LRP5: variants seen among roughly 807,000 people sequenced by gnomAD.
LRP5 encodes the protein low-density lipoprotein receptor-related protein 5.
A neutral mutation model predicts 154.1 loss-of-function variants in LRP5; 62 were observed. That is an observed-to-expected ratio of 0.40 (90% CI 0.33 to 0.50). LRP5 has a LOEUF of 0.50. Among genes scored for constraint, LRP5 ranks in the 20% least tolerant of loss-of-function variants. The probability of loss-of-function intolerance (pLI) is 0.55; values close to 1 mark genes in which losing one functional copy is unlikely to be tolerated. For synonymous variants in LRP5, 966 were observed against 1,011.5 expected (o/e 0.96, Z 0.85); for missense variants, 1,915 against 2,336.7 (o/e 0.82, Z 3.72).
At chr11:68,308,019 A>C (rs1164266913), upstream of LRP5, among the ~76,000 whole-genome samples, 2 of 152,224 alleles carry the variant, frequency 1.3e-5, no homozygotes, top group Non-Finnish European at 2.9e-5. Flanking sequence ...GCCTGTTACC[A>C]ACCAAGCCCT....
At chr11:68,358,755 T>C (rs2098625313) in intron 3 of LRP5, among the ~76,000 whole-genome samples, 1 of 152,244 alleles carries the variant, frequency 6.6e-6, no homozygotes, top group Non-Finnish European at 1.5e-5. Context: ...CCCAGCTCTG[T>C]ACTTAATTAC....
In LRP5 at chr11:68,413,722, C is replaced by T. The variant is rs2098660863; in HGVS notation, c.2537C>T (p.Pro846Leu). The T allele has an allele frequency of 5.6e-6, 9 of 1,613,598 alleles. No homozygotes were observed. The highest frequency in any genetic ancestry group is 1.3e-5 in the African/African-American group (1 of 74,930). ...QERVVIADDL[P>L]HPFGLTQYSD... ...CGGGTCGTGATTGCCGACGATCTCC[C>T]GCACCCGTTCGGTCTGACGCAGTAC... The change falls in exon 12 of 23, where the codon CCG becomes CTG. Residue 846 changes from proline (P) to leucine (L), a missense_variant. Coordinates refer to ENST00000294304, the MANE Select transcript of LRP5 (RefSeq NM_002335.4). This position sits in a 1 kb window ranked among gnomAD's most constrained non-coding sequence, Gnocchi z 5.1.
intron 21 of LRP5, among the ~76,000 whole-genome samples, chr11:68,442,293 C>G (rs934682159): frequency 1.3e-5 from 2 of 152,144 alleles, no homozygotes; most frequent in African/African-American, 2.4e-5. Context: ...TTTGTTTGTT[C>G]TTGAGACAAA....
rs1019409513 is a variant in LRP5 at position 68,312,749 on chromosome 11, T to C, written c.35T>C (p.Leu12Pro). The change falls in exon 1 of 23, where the codon CTG (leucine) becomes CCG (proline). Residue 12 changes from leucine (L) to proline (P), a missense_variant. This residue lies in a region of LRP5 where 48 missense variants were observed against 25.7 expected (regional missense o/e 1.87). Coordinates refer to ENST00000294304, the MANE Select transcript of LRP5 (RefSeq NM_002335.4). ...GCGCCGCCCGGGCCGCCGTGGCCGC[T>C]GCTGCTGCTGCTGCTGCTGCTGCTG... ...EAAPPGPPWP[L>P]LLLLLLLLAL... 5.0e-5 allele frequency: 38 copies of C among 758,630 alleles called. No individual in the cohort carries two copies. The highest frequency in any genetic ancestry group is 7.9e-5 in the African/African-American group (4 of 50,884). The allele number at this position is 758,630 out of a possible 1,614,324, so 47.0% of individuals were successfully genotyped here.
chr11:68,349,086 G>A (rs775848808), intron 2 of LRP5, among the ~76,000 whole-genome samples: 16 of 145,460 alleles, frequency 1.1e-4, no homozygotes, highest in Admixed American at 5.7e-4. Flanking sequence ...AGGCTGGAGT[G>A]CAGTGGCACA....
At position 68,350,824 on chromosome 11, in the gene LRP5, C is replaced by T. The variant is rs1482575117; in HGVS notation, c.488+2581C>T. On this transcript the variant is annotated intron_variant, in intron 2 of 22. Transcript: ENST00000294304. ...AGGGCTGGAGCCTTTCAGAGCCCAA[C>T]AGGTTTGTGTGAGAGCCAGGCGTGT... is the stretch of plus-strand genomic sequence containing the variant. 4.6e-5 allele frequency among the ~76,000 whole-genome samples: 7 copies of T among 152,298 alleles called. No homozygotes were observed. In the East Asian group the frequency reaches 1.4e-3, roughly 29 times the overall value.
chr11:68,410,436 T>C (rs2098658832), intron 10 of LRP5, among the ~76,000 whole-genome samples: 1 of 152,180 alleles, frequency 6.6e-6, no homozygotes, highest in Non-Finnish European at 1.5e-5. Context: ...ATTTTACAGA[T>C]GCAGAAACAG....
chr11:68,387,777 G>A (rs947624438), intron 6 of LRP5, among the ~76,000 whole-genome samples: 2 of 152,224 alleles, frequency 1.3e-5, no homozygotes, highest in African/African-American at 4.8e-5. Flanking sequence ...AGTCCCAGAG[G>A]AGCTGGGAGG....
intron 16 of LRP5, 143 bp downstream of exon 16, chr11:68,426,330 A>G: frequency 1.5e-6 from 1 of 682,230 alleles, no homozygotes; most frequent in Non-Finnish European, 2.5e-6. Flanking sequence ...GCTGGGGTTC[A>G]GCGACATGTC....
In LRP5 at chr11:68,409,904, C is replaced by T. The variant is rs369624165; in HGVS notation, c.2092-10C>T. ...AAAATGTGGCCCTTTTCCTCCTCAC[C>T]TGCTGCCAGACCATCAGCCGCGCCT... On this transcript the variant is annotated splice_polypyrimidine_tract_variant and intron_variant, in intron 9 of 22. Coordinates refer to ENST00000294304, the MANE Select transcript of LRP5 (RefSeq NM_002335.4). 6 of 1,610,070 alleles carry T rather than the reference C, an allele frequency of 3.7e-6. No individual in the cohort carries two copies. The highest frequency in any genetic ancestry group is 1.3e-5 in the African/African-American group (1 of 74,902).
chr11:68,342,784 C>T (rs969385823), intron 1 of LRP5, among the ~76,000 whole-genome samples: 1 of 152,228 alleles, frequency 6.6e-6, no homozygotes, highest in Non-Finnish European at 1.5e-5. Context: ...TAAAAAACAC[C>T]TCCATCTCTG....
intron 9 of LRP5, among the ~76,000 whole-genome samples, chr11:68,408,085 G>A (rs550844818): frequency 1.8e-4 from 28 of 151,964 alleles, no homozygotes; most frequent in African/African-American, 6.3e-4. Flanking sequence ...TGTTGTTGTT[G>A]TTGTTGTTGA....
chr11:68,410,281 C>T (rs2098658698), intron 10 of LRP5, 141 bp downstream of exon 10: 2 of 754,488 alleles, frequency 2.7e-6, no homozygotes, highest in South Asian at 1.5e-5. Context: ...TTGATGGTGG[C>T]CAGGACTGGT....
At position 68,403,603 on chromosome 11, in the gene LRP5, G is replaced by A. The variant is rs768268948; in HGVS notation, c.1705G>A (p.Glu569Lys). The stretch of plus-strand genomic sequence containing the variant: ...GACTGACTGGCAGCGCCGCAGCATC[G>A]AGCGGGTGCACAAGGTCAAGGCCAG... ...YWTDWQRRSIERVHKVKASRD... is the reference protein window; with the variant it reads ...YWTDWQRRSIKRVHKVKASRD... Residue 569 changes from glutamate (E) to lysine (K), a missense_variant, in exon 8 of 23, where the codon GAG becomes AAG. Glu to Lys is a moderately conservative substitution (Grantham distance 56). Coordinates refer to ENST00000294304, the MANE Select transcript of LRP5 (RefSeq NM_002335.4). 6.2e-7 allele frequency: 1 copy of A among 1,614,184 alleles called. No homozygotes were observed. The highest frequency in any genetic ancestry group is 2.2e-5 in the East Asian group (1 of 44,886).
At chr11:68,411,758 C>T in intron 11 of LRP5, 138 bp downstream of exon 11, 2 of 884,396 alleles carry the variant, frequency 2.3e-6, no homozygotes, top group Non-Finnish European at 3.4e-6. Flanking sequence ...CCACGACTGC[C>T]CAGCAGCCTC....
Position 68,410,150 on chromosome 11 carries a change from T to C in LRP5, c.2318+10T>C. On this transcript the variant is annotated intron_variant, in intron 10 of 22. Transcript: ENST00000294304. ...TGGATCCCACCAAGGGGTAAGTGTT[T>C]GCCTGTCCCGTGCGTCCTTGTGTTC... is the stretch of plus-strand genomic sequence containing the variant. 6.2e-7 allele frequency: 1 copy of C among 1,610,856 alleles called. No homozygotes were observed. Among genetic ancestry groups the C allele is most frequent in the Non-Finnish European group, 8.5e-7 (1 of 1,177,802 alleles).
intron 1 of LRP5, among the ~76,000 whole-genome samples, chr11:68,330,386 C>A (rs2098602084): frequency 6.6e-6 from 1 of 152,224 alleles, no homozygotes; most frequent in Non-Finnish European, 1.5e-5. Flanking sequence ...ATAGCTAGAC[C>A]CCAGCTCCAC....
intron 2 of LRP5, among the ~76,000 whole-genome samples, chr11:68,357,319 C>T (rs1337270759): frequency 6.6e-6 from 1 of 152,100 alleles, no homozygotes; most frequent in East Asian, 1.9e-4. Context: ...ACAGCATTTT[C>T]ATGGTAGCAA....
intron 5 of LRP5, among the ~76,000 whole-genome samples, chr11:68,370,659 T>C (rs1310007019): frequency 6.6e-6 from 1 of 152,224 alleles, no homozygotes; most frequent in Non-Finnish European, 1.5e-5. Context: ...GTCACCTTTC[T>C]CTAGTCTTGT....
Sources: gnomAD v4.1 joint callset for allele counts (sites outside exome capture counted in the v4.1 genomes callset) on GRCh38, gnomAD v4.1.1 for gene constraint, gnomAD v4.1.1 regional missense constraint, Gnocchi (gnomAD v3.1) non-coding constraint, MANE v1.5 for transcripts, NCBI Gene and HGNC (gene_info 2026-07-23, HGNC 2026-07-21) for gene names.